The following STC2 variants were observed in gnomAD, a reference collection of about 807,000 sequenced individuals.
The protein encoded by STC2 is stanniocalcin-2.
A neutral mutation model predicts 22.7 loss-of-function variants in STC2; 7 were observed. That is an observed-to-expected ratio of 0.31 (90% CI 0.18 to 0.58). STC2 has a LOEUF of 0.58. Among genes scored for constraint, STC2 ranks in the 20% least tolerant of loss-of-function variants. The probability of loss-of-function intolerance (pLI) is 0.89; values close to 1 mark genes in which losing one functional copy is unlikely to be tolerated. For missense variants in STC2, 336 were observed against 406.2 expected (o/e 0.83, Z 1.48); for synonymous variants, 158 against 163.4 (o/e 0.97, Z 0.25).
intron 3 of STC2, among the ~76,000 whole-genome samples, chr5:173,321,644 C>T (rs116948381): frequency 1.4e-3 from 220 of 152,276 alleles, no homozygotes; most frequent in East Asian, 2.3e-3. Flanking sequence ...CCAGCAATTC[C>T]GAAGCTTAAA....
At chr5:173,322,620 G>A (rs1388132364) in intron 3 of STC2, among the ~76,000 whole-genome samples, 1 of 152,218 alleles carries the variant, frequency 6.6e-6, no homozygotes, top group African/African-American at 2.4e-5. Flanking sequence ...AGCATCTATA[G>A]CTCTGTTTTC....
In STC2 at chr5:173,328,272, G is replaced by C; in HGVS notation, c.-79C>G. ...TTCCTCCTCCTCCTCTTCCTCCTTC[G>C]CCGCTTCCCCTCCTCCTCCCACTCT... On this transcript the variant is annotated 5_prime_UTR_variant, in exon 1 of 4. Transcript: ENST00000265087. 7.5e-7 allele frequency: 1 copy of C among 1,338,204 alleles called. No homozygotes were observed. 82.9% of individuals were successfully genotyped at this position (1,338,204 alleles called of 1,614,324 possible). A position where few individuals can be genotyped will look rare whatever the true frequency, so the allele number is the denominator to read the frequency against.
chr5:173,316,043 T>C lies in STC2; in HGVS notation c.*1804A>G, dbSNP rs1246279493. The C allele has an allele frequency of 1.3e-5, 2 of 152,214 alleles. No individual in the cohort carries two copies. Among genetic ancestry groups the C allele is most frequent in the Non-Finnish European group, 2.9e-5 (2 of 68,090 alleles). 9.4% of individuals were successfully genotyped at this position (152,214 alleles called of 1,614,324 possible). ...ACAAGTCATTTTAGAGCAGATACGC[T>C]TGGTTTCTTGGTGTCTGGCCTCAGG... is the stretch of plus-strand genomic sequence containing the variant. On this transcript the variant is annotated 3_prime_UTR_variant, in exon 4 of 4. Coordinates refer to ENST00000265087, the MANE Select transcript of STC2 (RefSeq NM_003714.3).
chr5:173,327,163 CT>C (rs1489695548), intron 1 of STC2, among the ~76,000 whole-genome samples: 1 of 152,262 alleles, frequency 6.6e-6, no homozygotes, highest in Non-Finnish European at 1.5e-5. Flanking sequence ...CATTCACTCA[CT>C]TGGGGCGTCC....
intron 3 of STC2, among the ~76,000 whole-genome samples, chr5:173,320,947 C>A (rs544623716): frequency 2.6e-5 from 4 of 151,394 alleles, no homozygotes; most frequent in Admixed American, 1.3e-4. Context: ...AAGTACAAGT[C>A]GATGCACCGC....
chr5:173,325,785 G>A lies in STC2; in HGVS notation c.294+83C>T, dbSNP rs1581140596. On this transcript the variant is annotated intron_variant, in intron 2 of 3. Coordinates refer to ENST00000265087, the MANE Select transcript of STC2 (RefSeq NM_003714.3). This position sits in a 1 kb window ranked among gnomAD's most constrained non-coding sequence, Gnocchi z 4.7. ...CACACCACAAGGAACAGCAAAGGAA[G>A]TTGGTTAACAAGGCTTTCCAATGAA... The A allele has an allele frequency of 1.7e-5, 27 of 1,585,942 alleles. No individual in the cohort carries two copies. The highest frequency in any genetic ancestry group is 1.1e-4 in the African/African-American group (8 of 74,374).
intron 3 of STC2, among the ~76,000 whole-genome samples, chr5:173,321,266 A>G (rs1484687665): frequency 3.3e-5 from 5 of 152,124 alleles, no homozygotes; most frequent in South Asian, 4.1e-4. Context: ...AGTTTTCCCA[A>G]AGAATACTTT....
intron 3 of STC2, among the ~76,000 whole-genome samples, chr5:173,319,339 G>C (rs545935351): frequency 6.6e-5 from 10 of 152,324 alleles, no homozygotes; most frequent in East Asian, 1.9e-4. Flanking sequence ...CCCCCCAAGG[G>C]GGGTATAGAA....
In STC2 at chr5:173,325,106, G is replaced by A. The variant is rs539162584; in HGVS notation, c.294+762C>T. On this transcript the variant is annotated intron_variant, in intron 2 of 3. Transcript: ENST00000265087. The surrounding 1 kb of genome is among the most constrained non-coding windows in gnomAD (Gnocchi z 4.7). ...TGCTCTCCAATGAAGCAGGAGAGAC[G>A]TTTCTGAGATATAGTAACAGGGCGT... Among the ~76,000 whole-genome samples the A allele has an allele frequency of 4.6e-5, 7 of 152,350 alleles. No homozygotes were observed. The South Asian group carries it at 6.2e-4, about 14-fold the overall frequency.
In STC2 at chr5:173,323,236, C is replaced by T; in HGVS notation, c.489G>A (p.Lys163=). 1 of 1,614,198 alleles carries T rather than the reference C, an allele frequency of 6.2e-7. No individual in the cohort carries two copies. Among genetic ancestry groups the T allele is most frequent in the South Asian group, 1.1e-5 (1 of 91,080 alleles). The change falls in exon 3 of 4, where the codon AAG becomes AAA. Residue 163 remains lysine, a synonymous_variant. Coordinates refer to ENST00000265087, the MANE Select transcript of STC2 (RefSeq NM_003714.3). The surrounding 1 kb of genome is among the most constrained non-coding windows in gnomAD (Gnocchi z 5.4). ...TRVIVEMIHF[K]DLLLHEPYVD... ...GTACTCACTCGTGCAGCAGCAAGTC[C>T]TTGAAATGGATCATCTCCACTATCA...
At chr5:173,320,650 T>G (rs956702067) in intron 3 of STC2, among the ~76,000 whole-genome samples, 3 of 120,548 alleles carry the variant, frequency 2.5e-5, no homozygotes, top group African/African-American at 6.7e-5. Context: ...CAGGAAGGGG[T>G]GAGGGGAGCG....
rs1226125812 is a variant in STC2, at chr5:173,323,521, C to T, written c.295-91G>A. On this transcript the variant is annotated intron_variant, in intron 2 of 3. Coordinates refer to ENST00000265087, the MANE Select transcript of STC2 (RefSeq NM_003714.3). This position sits in a 1 kb window ranked among gnomAD's most constrained non-coding sequence, Gnocchi z 5.4. ...GACATTTCAGCCCTTCTTGGGCTTA[C>T]ACAGGATATTTCTGACATCAGAACC... 22 of 1,261,852 alleles carry T rather than the reference C, an allele frequency of 1.7e-5. No individual in the cohort carries two copies. Among genetic ancestry groups the T allele is most frequent in the African/African-American group, 3.0e-5 (2 of 67,304 alleles). The allele number at this position is 1,261,852 out of a possible 1,614,324, so 78.2% of individuals were successfully genotyped here.
In STC2 at chr5:173,317,938, C is replaced by T. The variant is rs371249080; in HGVS notation, c.818G>A (p.Arg273Gln). 4.3e-6 allele frequency: 7 copies of T among 1,613,260 alleles called. No homozygotes were observed. The highest frequency in any genetic ancestry group is 4.5e-5 in the East Asian group (2 of 44,894). ...AGCCCCAAGGCCCCCGACTCTGCCT[C>T]GGGCATGGGCGTTTGGGTGGCTCTT... Reference protein sequence around the residue: ...GSKSHPNAHARGRVGGLGAQG... With the variant: ...GSKSHPNAHAQGRVGGLGAQG... The change falls in exon 4 of 4, where the codon CGA (arginine) becomes CAA (glutamine). Residue 273 changes from arginine to glutamine, a missense_variant. Physicochemically the swap from Arg to Gln is conservative, Grantham distance 43. Around this residue, in one of 3 missense-constraint regions of STC2, gnomAD observed 215 missense variants for 231.5 expected, o/e 0.93. Transcript: ENST00000265087.
chr5:173,322,976 TA>T, intron 3 of STC2: 1 of 558,226 alleles, frequency 1.8e-6, no homozygotes, highest in Non-Finnish European at 3.2e-6. Context: ...TCATTCTTAG[TA>T]AAACGATTTC....
rs1406875071 is a variant in STC2 at position 173,317,945 on chromosome 5, G to A, written c.811C>T (p.His271Tyr). The A allele has an allele frequency of 4.3e-6, 7 of 1,613,424 alleles. No individual in the cohort carries two copies. Among genetic ancestry groups the A allele is most frequent in the Non-Finnish European group, 5.1e-6 (6 of 1,179,924 alleles). ...AGGCCCCCGACTCTGCCTCGGGCAT[G>A]GGCGTTTGGGTGGCTCTTGCTACCT... ...ERGSKSHPNAHARGRVGGLGA... is the reference protein window; with the variant it reads ...ERGSKSHPNAYARGRVGGLGA... The change falls in exon 4 of 4, where the codon CAT (histidine) becomes TAT (tyrosine). Residue 271 changes from histidine (H) to tyrosine (Y), a missense_variant. Coordinates refer to ENST00000265087, the MANE Select transcript of STC2 (RefSeq NM_003714.3).
chr5:173,321,769 A>G (rs1181539751), intron 3 of STC2, among the ~76,000 whole-genome samples: 1 of 152,246 alleles, frequency 6.6e-6, no homozygotes, highest in African/African-American at 2.4e-5. Context: ...GAGATAACCC[A>G]TGTAAAGGCC....
chr5:173,318,686 A>C (rs1762454585), intron 3 of STC2, among the ~76,000 whole-genome samples: 1 of 152,166 alleles, frequency 6.6e-6, no homozygotes, highest in African/African-American at 2.4e-5. Context: ...AGGGCCTTAC[A>C]TAGACTTCCA....
At chr5:173,318,300 G>GAGAGAGA (rs67125584) in intron 3 of STC2, 51 bp from the exon 4 acceptor site, 107 of 1,348,530 alleles carry the variant, frequency 7.9e-5, no homozygotes, top group South Asian at 3.4e-4. Flanking sequence ...GAGAGAGAGA[G>GAGAGAGA]GCTGGGAATG....
rs189629949 is a variant in STC2 at position 173,326,335 on chromosome 5, C to T, written c.152-325G>A. Among the ~76,000 whole-genome samples, 497 of 152,232 alleles carry T rather than the reference C, an allele frequency of 3.3e-3. 1 individual carries two copies. Among genetic ancestry groups the T allele is most frequent in the African/African-American group, 0.011 (469 of 41,530 alleles). On this transcript the variant is annotated intron_variant, in intron 1 of 3. Coordinates refer to ENST00000265087, the MANE Select transcript of STC2 (RefSeq NM_003714.3). ...TTTGTGGGAATACTTAGTTTGAGAG[C>T]AAAATATATTTCCGCTTTTTAAACC... is the stretch of plus-strand genomic sequence containing the variant.
Sources: gnomAD v4.1 joint callset for allele counts (sites outside exome capture counted in the v4.1 genomes callset) on GRCh38, gnomAD v4.1.1 for gene constraint, gnomAD v4.1.1 regional missense constraint, Gnocchi (gnomAD v3.1) non-coding constraint, MANE v1.5 for transcripts, NCBI Gene and HGNC (gene_info 2026-07-23, HGNC 2026-07-21) for gene names.